Variants in MAEA observed in about 807,000 individuals in gnomAD.
MAEA encodes the protein macrophage erythroblast attacher, E3 ubiquitin ligase.
A neutral mutation model predicts 46.2 loss-of-function variants in MAEA; 22 were observed. The observed-to-expected ratio is 0.48, with a 90% confidence interval of 0.34 to 0.68. The LOEUF (loss-of-function observed/expected upper bound fraction) is 0.68, where lower values mean the gene tolerates loss of function less well. Ranked by LOEUF, MAEA falls within the 30% of genes least tolerant of loss-of-function variation. MAEA has a pLI of 0.01. For missense variants in MAEA, 393 were observed against 558.1 expected, an observed-to-expected ratio of 0.70 and a Z score of 2.98; for synonymous variants, 246 against 222.6, an observed-to-expected ratio of 1.11 and a Z score of -0.94.
At chr4:1,322,824 T>C (rs910961195) in intron 4 of MAEA, among the ~76,000 whole-genome samples, 2 of 151,666 alleles carry the variant, frequency 1.3e-5, no homozygotes, top group Non-Finnish European at 2.9e-5. Flanking sequence ...TCCTGCTCCA[T>C]GGGGGTACTC....
At chr4:1,329,434 G>C in intron 5 of MAEA, 1 of 985,428 alleles carries the variant, frequency 1.0e-6, no homozygotes, top group Non-Finnish European at 1.2e-6. Flanking sequence ...CTGCGGCCTC[G>C]TCTGTTGCAG....
At chr4:1,320,475 T>C (rs917724371) in intron 3 of MAEA, among the ~76,000 whole-genome samples, 4 of 145,830 alleles carry the variant, frequency 2.7e-5, no homozygotes, top group African/African-American at 1.0e-4. Context: ...ATGAAGGGGC[T>C]TCAGAAAAGA....
chr4:1,296,428 A>G (rs1440330402), intron 1 of MAEA, among the ~76,000 whole-genome samples: 3 of 75,550 alleles, frequency 4.0e-5, no homozygotes, highest in East Asian at 8.6e-4. Flanking sequence ...CCCCTCACCC[A>G]TGCCTGTGCC....
At chr4:1,290,181 C>T (rs1031531154) in intron 1 of MAEA, among the ~76,000 whole-genome samples, 199 bp downstream of exon 1, 5 of 151,498 alleles carry the variant, frequency 3.3e-5, no homozygotes, top group Non-Finnish European at 5.9e-5. Context: ...TTGGCCCTGC[C>T]AGGCGCCCGA....
chr4:1,311,379 T>C lies in MAEA; in HGVS notation c.70-600T>C, dbSNP rs193159551. On this transcript the variant is annotated intron_variant, in intron 1 of 8. Coordinates refer to ENST00000303400, the MANE Select transcript of MAEA (RefSeq NM_001017405.3). The surrounding 1 kb of genome is among the most constrained non-coding windows in gnomAD (Gnocchi z 4.4). ...GAGGGACAGAAAACTAACAACGACT[T>C]TAAGATTCTCCTTGATTGGCTTATT... Among the ~76,000 whole-genome samples, 13 of 152,358 alleles carry C rather than the reference T, an allele frequency of 8.5e-5. No homozygotes were observed. The highest frequency in any genetic ancestry group is 1.3e-4 in the Admixed American group (2 of 15,312).
At chr4:1,316,653 C>G (rs1338000044) in intron 3 of MAEA, among the ~76,000 whole-genome samples, 1 of 152,116 alleles carries the variant, frequency 6.6e-6, no homozygotes, top group Non-Finnish European at 1.5e-5. Flanking sequence ...GGTCTTCTCT[C>G]TTTCCACGGC....
At chr4:1,317,442 G>C (rs1055924442) in intron 3 of MAEA, among the ~76,000 whole-genome samples, 1 of 151,388 alleles carries the variant, frequency 6.6e-6, no homozygotes, top group Admixed American at 6.6e-5. Context: ...TCTTGTCCTC[G>C]GCATTTGTCC....
intron 6 of MAEA, among the ~76,000 whole-genome samples, chr4:1,336,386 A>C (rs1037513032): frequency 1.3e-5 from 2 of 152,096 alleles, no homozygotes; most frequent in African/African-American, 4.8e-5. Flanking sequence ...ATCAGAGTTA[A>C]GTCAGCACTC....
intron 4 of MAEA, among the ~76,000 whole-genome samples, chr4:1,326,787 T>C (rs1738888475): frequency 6.6e-6 from 1 of 152,206 alleles, no homozygotes; most frequent in South Asian, 2.1e-4. Flanking sequence ...CTCCATTCCA[T>C]GTGCCACCCG....
At chr4:1,330,283 A>G (rs1711519675) in intron 5 of MAEA, 1 of 232,306 alleles carries the variant, frequency 4.3e-6, no homozygotes, top group Non-Finnish European at 6.0e-6. Context: ...GGCCAGGCAC[A>G]GTTTAGGAAT....
chr4:1,309,370 G>C, intron 1 of MAEA: 2 of 1,211,612 alleles, frequency 1.7e-6, no homozygotes, highest in Non-Finnish European at 2.1e-6. Context: ...GCCCAGGCCA[G>C]TGGAGGGGAG....
chr4:1,325,805 C>T (rs528519949), intron 4 of MAEA, among the ~76,000 whole-genome samples: 1 of 152,248 alleles, frequency 6.6e-6, no homozygotes, highest in Non-Finnish European at 1.5e-5. Flanking sequence ...ACTCGGGACC[C>T]TGGGATGACT....
At chr4:1,294,161 A>G (rs1373092787) in intron 1 of MAEA, among the ~76,000 whole-genome samples, 1 of 152,192 alleles carries the variant, frequency 6.6e-6, no homozygotes, top group African/African-American at 2.4e-5. Context: ...TCTAGAGCAC[A>G]GTGGAAATTC....
At chr4:1,337,040 T>A in intron 7 of MAEA, 46 bp downstream of exon 7, 3 of 1,603,692 alleles carry the variant, frequency 1.9e-6, no homozygotes, top group Non-Finnish European at 2.6e-6. Context: ...GGGGTTGGCA[T>A]CTTTGGTCAT....
intron 4 of MAEA, among the ~76,000 whole-genome samples, chr4:1,323,241 G>A (rs968628686): frequency 2.0e-5 from 3 of 152,084 alleles, no homozygotes; most frequent in Non-Finnish European, 2.9e-5. Context: ...CACCGTGCCC[G>A]GCCGAGTACC....
chr4:1,304,740 C>T (rs1735673350), intron 1 of MAEA, among the ~76,000 whole-genome samples: 1 of 152,102 alleles, frequency 6.6e-6, no homozygotes, highest in African/African-American at 2.4e-5. Context: ...CGCCCGGCCC[C>T]TGGTAATTTA....
rs543252943 is a variant in MAEA at position 1,331,756 on chromosome 4, C to G, written c.657-1001C>G. ...TCAGGACAGCCAGAGGGACAGTGACCCTGTGTGTGGGGGGGGGCATGAGAA... is the reference window on the plus strand; with the variant it reads ...TCAGGACAGCCAGAGGGACAGTGACGCTGTGTGTGGGGGGGGGCATGAGAA... On this transcript the variant is annotated intron_variant, in intron 5 of 8. Coordinates refer to ENST00000303400, the MANE Select transcript of MAEA (RefSeq NM_001017405.3). 173 of 75,418 alleles carry G rather than the reference C, an allele frequency of 2.3e-3. 1 individual carries two copies. Among genetic ancestry groups the G allele is most frequent in the Admixed American group, 4.6e-3 (33 of 7,246 alleles). 4.7% of individuals were successfully genotyped at this position (75,418 alleles called of 1,614,324 possible). A position where few individuals can be genotyped will look rare whatever the true frequency, so the allele number is the denominator to read the frequency against.
intron 1 of MAEA, among the ~76,000 whole-genome samples, chr4:1,307,885 C>T (rs937231166): frequency 2.1e-4 from 32 of 152,140 alleles, no homozygotes; most frequent in African/African-American, 7.7e-4. Flanking sequence ...TTCCCACTCA[C>T]CCACCAGTCT....
intron 2 of MAEA, 130 bp from the exon 3 acceptor site, chr4:1,315,267 G>GT (rs1257191876): frequency 1.0e-4 from 90 of 860,394 alleles, no homozygotes; most frequent in African/African-American, 3.0e-4. Context: ...GTAGAGCACG[G>GT]TTTTTTTTCT....
Sources: allele counts gnomAD v4.1 joint callset (sites outside exome capture counted in the v4.1 genomes callset), GRCh38; gene constraint gnomAD v4.1.1; non-coding constraint Gnocchi (gnomAD v3.1); transcripts MANE v1.5; gene names NCBI Gene and HGNC (gene_info 2026-07-23, HGNC 2026-07-21).